GALNT13: variants seen among roughly 807,000 people sequenced by gnomAD.
GALNT13 encodes UDP-GalNAc:polypeptide N-acetylgalactosaminyltransferase 13.
GALNT13 carries 28 observed loss-of-function variants against 64.2 expected under a neutral mutation model. The ratio of observed to expected loss-of-function variants is 0.44; its 90% CI spans 0.32 to 0.60. The LOEUF (loss-of-function observed/expected upper bound fraction) is 0.60. Among genes scored for constraint, GALNT13 ranks in the 20% least tolerant of loss-of-function variants. The pLI is 0.05. For missense variants in GALNT13, 577 were observed against 669.8 expected (o/e 0.86, Z 1.53); for synonymous variants, 214 against 224.6 (o/e 0.95, Z 0.42).
At chr2:153,395,712 CCT>C in the GALNT13 span, among the ~76,000 whole-genome samples, 3 of 151,954 alleles carry the variant, frequency 2.0e-5, no homozygotes, top group African/African-American at 4.8e-5. Flanking sequence ...ATTTGCGAAA[CCT>C]CTGTTTCGCA....
chr2:153,570,920 A>G, the GALNT13 span, among the ~76,000 whole-genome samples: 23 of 151,254 alleles, frequency 1.5e-4, 1 homozygote, highest in Admixed American at 1.4e-3. Context: ...TTTGCTTAGG[A>G]TAGTTTTGGC....
At chr2:154,268,352 T>C (rs1003762838) in intron 8 of GALNT13, among the ~76,000 whole-genome samples, 1 of 152,156 alleles carries the variant, frequency 6.6e-6, no homozygotes, top group African/African-American at 2.4e-5. Flanking sequence ...GTATAAAATT[T>C]TAGTAAATGC....
intron 3 of GALNT13, among the ~76,000 whole-genome samples, chr2:154,064,770 C>T (rs1353417640): frequency 6.6e-6 from 1 of 152,124 alleles, no homozygotes; most frequent in Non-Finnish European, 1.5e-5. Context: ...AAGACTGAGA[C>T]ATGCTGGCTT....
At chr2:153,896,795 C>G (rs561489270) in intron 1 of GALNT13, among the ~76,000 whole-genome samples, 5 of 151,882 alleles carry the variant, frequency 3.3e-5, no homozygotes, top group Admixed American at 6.6e-5. Flanking sequence ...AATACTTTCT[C>G]GATATATGTT....
At chr2:153,181,196 G>A in the GALNT13 span, among the ~76,000 whole-genome samples, 211 of 149,642 alleles carry the variant, frequency 1.4e-3, no homozygotes, top group Middle Eastern at 6.9e-3. Flanking sequence ...ATAACTTTGG[G>A]TATATTTTCA....
At chr2:153,794,854 T>G in the GALNT13 span, among the ~76,000 whole-genome samples, 1 of 152,178 alleles carries the variant, frequency 6.6e-6, no homozygotes, top group Non-Finnish European at 1.5e-5. Flanking sequence ...CTTCAGAAAT[T>G]TTTTGAAGCA....
chr2:154,335,766 A>G (rs894821120), intron 9 of GALNT13, among the ~76,000 whole-genome samples: 1 of 152,104 alleles, frequency 6.6e-6, no homozygotes, highest in Non-Finnish European at 1.5e-5. Flanking sequence ...TAAATCTGTT[A>G]TAAACAGCAT....
intron 3 of GALNT13, among the ~76,000 whole-genome samples, chr2:154,065,756 A>G (rs2840008): frequency 0.19 from 28,971 of 152,044 alleles, 5,053 homozygotes; most frequent in East Asian, 0.73. Flanking sequence ...CCCTAAAAGG[A>G]CAGGTATGAA....
chr2:154,198,200 C>A (rs546524143), intron 4 of GALNT13, among the ~76,000 whole-genome samples: 1 of 151,940 alleles, frequency 6.6e-6, no homozygotes, highest in African/African-American at 2.4e-5. Flanking sequence ...AGATACAATG[C>A]ATAGAAAAAA....
chr2:154,124,082 T>A (rs576568766), intron 3 of GALNT13, among the ~76,000 whole-genome samples: 19 of 152,178 alleles, frequency 1.2e-4, no homozygotes, highest in African/African-American at 4.1e-4. Context: ...AGAATTAGCA[T>A]TAAATTAGTG....
chr2:153,300,852 A>G, the GALNT13 span, among the ~76,000 whole-genome samples: 1 of 152,168 alleles, frequency 6.6e-6, no homozygotes, highest in Non-Finnish European at 1.5e-5. Context: ...AATCATGAAG[A>G]TCACACTGAT....
the GALNT13 span, among the ~76,000 whole-genome samples, chr2:153,289,417 AT>A: frequency 6.6e-6 from 1 of 152,332 alleles, no homozygotes; most frequent in African/African-American, 2.4e-5. Flanking sequence ...CCTATTTGGA[AT>A]GGTAATAAGA....
At chr2:153,880,078 C>T (rs552144573) in intron 1 of GALNT13, among the ~76,000 whole-genome samples, 48 of 152,184 alleles carry the variant, frequency 3.2e-4, no homozygotes, top group Non-Finnish European at 6.2e-4. Flanking sequence ...AGATTTACAT[C>T]TTTATACTAA....
At chr2:153,166,981 C>A in the GALNT13 span, among the ~76,000 whole-genome samples, 1 of 152,222 alleles carries the variant, frequency 6.6e-6, no homozygotes, top group African/African-American at 2.4e-5. Context: ...TCAGCTCTGA[C>A]TGAGACCTTG....
At chr2:153,324,448 A>C in the GALNT13 span, among the ~76,000 whole-genome samples, 946 of 152,296 alleles carry the variant, frequency 6.2e-3, 8 homozygotes, top group African/African-American at 0.022. Context: ...AAACAGACAC[A>C]ATTTGATTTC....
chr2:153,084,567 A>G, the GALNT13 span, among the ~76,000 whole-genome samples: 1 of 152,166 alleles, frequency 6.6e-6, no homozygotes, highest in Non-Finnish European at 1.5e-5. Context: ...TAATTAAATT[A>G]TGGGGGCTGT....
At chr2:154,011,648 CTAA>C (rs1696644624) in intron 3 of GALNT13, among the ~76,000 whole-genome samples, 1 of 152,070 alleles carries the variant, frequency 6.6e-6, no homozygotes, top group African/African-American at 2.4e-5. Flanking sequence ...CCTTGATGAT[CTAA>C]TATTGGCAGT....
intron 8 of GALNT13, among the ~76,000 whole-genome samples, chr2:154,288,759 G>GC (rs943790426): frequency 6.6e-6 from 1 of 152,200 alleles, no homozygotes; most frequent in Non-Finnish European, 1.5e-5. Flanking sequence ...CCATGGTCTT[G>GC]CGCAGCTCCA....
chr2:153,592,291 C>T, the GALNT13 span, among the ~76,000 whole-genome samples: 2 of 151,866 alleles, frequency 1.3e-5, no homozygotes, highest in Non-Finnish European at 2.9e-5. Context: ...TCTCAAAGAA[C>T]AAAAAAATGT....
Sources: gnomAD v4.1 joint callset for allele counts (sites outside exome capture counted in the v4.1 genomes callset) on GRCh38, gnomAD v4.1.1 for gene constraint, MANE v1.5 for transcripts, NCBI Gene and HGNC (gene_info 2026-07-23, HGNC 2026-07-21) for gene names.